TMEM217: variants seen among roughly 807,000 people sequenced by gnomAD.
The protein encoded by TMEM217 is chromosome 6 open reading frame 128.
For missense variants in TMEM217, 204 were observed against 248.8 expected (o/e 0.82, Z 1.21); for synonymous variants, 76 against 88.3 (o/e 0.86, Z 0.78).
At chr6:37,257,716 C>T (rs987575292) in exon 1 of TMEM217, 4 of 563,436 alleles carry the variant, frequency 7.1e-6, no homozygotes, top group Non-Finnish European at 1.2e-5. Flanking sequence ...ATTGGTCGGC[C>T]CGTCCACGGC....
downstream of TMEM217, among the ~76,000 whole-genome samples, chr6:37,215,570 C>CAAAAAAAAAAAAAAA (rs34808595): frequency 1.0e-3 from 74 of 72,370 alleles, no homozygotes; most frequent in African/African-American, 1.6e-3. Flanking sequence ...GACTCTGTCT[C>CAAAAAAAAAAAAAAA]AAAAAAAAAA....
chr6:37,215,206 C>G, downstream of TMEM217: 1 of 1,613,794 alleles, frequency 6.2e-7, no homozygotes. Flanking sequence ...ACTCAGCAGA[C>G]ATCTATTGTG....
At chr6:37,234,603 G>C (rs528160528) in intron 1 of TMEM217, among the ~76,000 whole-genome samples, 2 of 152,172 alleles carry the variant, frequency 1.3e-5, no homozygotes, top group African/African-American at 4.8e-5. Flanking sequence ...AGATGTGGTG[G>C]CTTGTGTTTG....
chr6:37,252,453 A>G (rs994222358), intron 1 of TMEM217, among the ~76,000 whole-genome samples: 5 of 151,842 alleles, frequency 3.3e-5, no homozygotes, highest in Non-Finnish European at 7.4e-5. Context: ...CCTGGTTGAC[A>G]TACATACATA....
intron 1 of TMEM217, among the ~76,000 whole-genome samples, chr6:37,235,185 T>C (rs1484619400): frequency 2.0e-5 from 3 of 152,096 alleles, no homozygotes; most frequent in Non-Finnish European, 2.9e-5. Flanking sequence ...CTTGTGAAAA[T>C]TTCTGGAAAT....
In TMEM217 at chr6:37,219,067, G is replaced by T. The variant is rs751044496; in HGVS notation, c.-11-26C>A. 1.9e-6 allele frequency: 3 copies of T among 1,577,684 alleles called. No homozygotes were observed. In the African/African-American group the frequency reaches 4.1e-5, roughly 21 times the overall value. On this transcript the variant is annotated intron_variant, in intron 1 of 1. Transcript: ENST00000357219. Reference sequence around the variant, plus strand: ...CTGTGAAGACAAACAACATGAGGGAGAATTCTAGTTCCTGCCAACATGGTA... The same window carrying T: ...CTGTGAAGACAAACAACATGAGGGATAATTCTAGTTCCTGCCAACATGGTA...
In TMEM217 at chr6:37,218,185, T is replaced by TTG. The variant is rs1554169348; in HGVS notation, c.*236_*237insCA. ...AGCTGCTAACTTTTTTTTTTTTTTT[T>TTG]GGGGGACAGAGTCTTACTCTGTCAC... On this transcript the variant is annotated 3_prime_UTR_variant, in exon 2 of 2. Coordinates refer to ENST00000357219, the Ensembl canonical transcript of TMEM217. 861 of 1,121,352 alleles carry TTG rather than the reference T, an allele frequency of 7.7e-4. 1 individual carries two copies. Among genetic ancestry groups the TTG allele is most frequent in the East Asian group, 2.0e-3 (47 of 23,410 alleles). The allele number at this position is 1,121,352 out of a possible 1,614,324, so 69.5% of individuals were successfully genotyped here. A position where few individuals can be genotyped will look rare whatever the true frequency, so the allele number is the denominator to read the frequency against.
intron 1 of TMEM217, among the ~76,000 whole-genome samples, chr6:37,255,681 C>G (rs1289209371): frequency 7.0e-6 from 1 of 142,614 alleles, no homozygotes; most frequent in Admixed American, 6.9e-5. Context: ...AAGACCTGGT[C>G]TCAAAAAAAA....
rs755834733 is a variant in TMEM217 at position 37,226,255 on chromosome 6, GTTTTA to G, written c.-11-7219_-11-7215del. On this transcript the variant is annotated intron_variant, in intron 1 of 1. Coordinates refer to ENST00000357219, the Ensembl canonical transcript of TMEM217. Reference sequence around the variant, plus strand: ...CCATTCTCTTTTTTTGTTTTGTTTTGTTTTATTTTGTTTTTTTGAGACAGTCTTTT... The same window carrying G: ...CCATTCTCTTTTTTTGTTTTGTTTTGTTTTGTTTTTTTGAGACAGTCTTTT... Among the ~76,000 whole-genome samples the G allele has an allele frequency of 5.3e-3, 366 of 68,596 alleles. 3 individuals carry two copies. The highest frequency in any genetic ancestry group is 0.034 in the South Asian group (67 of 1,986). 45.0% of individuals were successfully genotyped at this position (68,596 alleles called of 152,430 possible).
intron 1 of TMEM217, among the ~76,000 whole-genome samples, chr6:37,227,055 C>T (rs1562008465): frequency 1.3e-5 from 2 of 152,188 alleles, no homozygotes; most frequent in Non-Finnish European, 2.9e-5. Flanking sequence ...TATATCTGCA[C>T]AGCAGCAAAA....
At chr6:37,214,440 T>G (rs1025850798), downstream of TMEM217, among the ~76,000 whole-genome samples, 2 of 152,212 alleles carry the variant, frequency 1.3e-5, no homozygotes, top group African/African-American at 2.4e-5. Flanking sequence ...TTGGCCAGGC[T>G]GGTCTTGAAC....
At chr6:37,214,915 G>A (rs556248306), downstream of TMEM217, among the ~76,000 whole-genome samples, 11 of 152,246 alleles carry the variant, frequency 7.2e-5, no homozygotes, top group South Asian at 2.3e-3. Flanking sequence ...ACCTCTGCTC[G>A]GTTCACAGCG....
chr6:37,250,690 C>T (rs1032137626), intron 1 of TMEM217, among the ~76,000 whole-genome samples: 1 of 152,230 alleles, frequency 6.6e-6, no homozygotes, highest in Middle Eastern at 3.2e-3. Flanking sequence ...CTCTCTCAGG[C>T]GTGCGTGTGC....
At chr6:37,252,633 ATATATTTTTTT>A (rs1765493227) in intron 1 of TMEM217, among the ~76,000 whole-genome samples, 20 of 75,260 alleles carry the variant, frequency 2.7e-4, no homozygotes, top group South Asian at 8.8e-4. Context: ...ATATATATAT[ATATATTTTTTT>A]TTTTTTTTTT....
chr6:37,226,083 AG>A (rs988111360), intron 1 of TMEM217, among the ~76,000 whole-genome samples: 25 of 152,272 alleles, frequency 1.6e-4, no homozygotes, highest in African/African-American at 5.8e-4. Context: ...AATGAGAACT[AG>A]TGATCTACTG....
intron 1 of TMEM217, among the ~76,000 whole-genome samples, chr6:37,225,042 C>T (rs1438195359): frequency 1.3e-5 from 2 of 150,764 alleles, no homozygotes; most frequent in Non-Finnish European, 3.0e-5. Context: ...CCACCAAAAC[C>T]AAAAATTACC....
chr6:37,227,548 G>A (rs1261224234), intron 1 of TMEM217, among the ~76,000 whole-genome samples: 2 of 152,136 alleles, frequency 1.3e-5, no homozygotes, highest in Non-Finnish European at 2.9e-5. Context: ...CCAGATTCAA[G>A]CAATTCTCCT....
At chr6:37,246,611 A>C (rs1350955457) in intron 1 of TMEM217, among the ~76,000 whole-genome samples, 2 of 152,106 alleles carry the variant, frequency 1.3e-5, no homozygotes, top group Non-Finnish European at 2.9e-5. Flanking sequence ...AATTAAATAG[A>C]CATTTCTCAG....
intron 1 of TMEM217, among the ~76,000 whole-genome samples, chr6:37,247,447 A>G (rs1054838765): frequency 3.4e-5 from 5 of 145,832 alleles, no homozygotes; most frequent in African/African-American, 1.3e-4. Flanking sequence ...GAGTGCGGTG[A>G]CGCGACCTCA....
Sources: allele counts gnomAD v4.1 joint callset (sites outside exome capture counted in the v4.1 genomes callset), GRCh38; gene constraint gnomAD v4.1.1; transcripts MANE v1.5; gene names NCBI Gene and HGNC (gene_info 2026-07-23, HGNC 2026-07-21).